NAV3: variants seen among roughly 807,000 people sequenced by gnomAD.
NAV3 encodes neuron navigator 3, also known as pore membrane and/or filament interacting like protein 1.
A neutral mutation model predicts 244.7 loss-of-function variants in NAV3; 87 were observed. The ratio of observed to expected loss-of-function variants is 0.36; its 90% CI spans 0.30 to 0.42. The LOEUF is 0.42. NAV3 is among the 20% of genes least tolerant of loss of function. The probability of loss-of-function intolerance (pLI) is 1.00; values close to 1 mark genes in which losing one functional copy is unlikely to be tolerated. For synonymous variants in NAV3, 1,126 were observed against 1,042.2 expected, an observed-to-expected ratio of 1.08 and a Z score of -1.55; for missense variants, 2,663 against 2,893.3, an observed-to-expected ratio of 0.92 and a Z score of 1.83.
At chr12:78,116,660 A>G in intron 12 of NAV3, 112 bp from the exon 13 acceptor site, 1 of 1,189,046 alleles carries the variant, frequency 8.4e-7, no homozygotes, top group East Asian at 2.8e-5. Flanking sequence ...TTCATAAGAT[A>G]TTTTTTAAAA....
At chr12:77,654,611 CCAGCACGCAG>C (rs1872994422) in intron 2 of NAV3, among the ~76,000 whole-genome samples, 7 of 152,056 alleles carry the variant, frequency 4.6e-5, no homozygotes, top group Admixed American at 4.6e-4. Flanking sequence ...AGTGGTTCTC[CCAGCACGCAG>C]CTGGAGATCT....
At chr12:78,093,028 C>G (rs1185178553) in intron 12 of NAV3, among the ~76,000 whole-genome samples, 2 of 152,140 alleles carry the variant, frequency 1.3e-5, no homozygotes, top group African/African-American at 4.8e-5. Flanking sequence ...TTCATTTGGT[C>G]AAATCCTGGT....
chr12:77,944,658 C>A (rs939858607), intron 3 of NAV3, among the ~76,000 whole-genome samples: 1 of 151,942 alleles, frequency 6.6e-6, no homozygotes, highest in African/African-American at 2.4e-5. Flanking sequence ...AAACCATGGA[C>A]AAGAATGGAA....
At chr12:77,742,727 T>G (rs896750668) in intron 2 of NAV3, among the ~76,000 whole-genome samples, 1 of 152,086 alleles carries the variant, frequency 6.6e-6, no homozygotes, top group Admixed American at 6.6e-5. Flanking sequence ...TAAAACTGCA[T>G]AAAATTAACT....
intron 1 of NAV3, among the ~76,000 whole-genome samples, chr12:77,901,874 G>A (rs914399780): frequency 5.3e-5 from 8 of 152,104 alleles, no homozygotes; most frequent in African/African-American, 1.9e-4. Context: ...GCTTGGATAT[G>A]CAGCTCTGAG....
At chr12:78,176,880 C>T (rs1958250961) in intron 26 of NAV3, among the ~76,000 whole-genome samples, 1 of 152,050 alleles carries the variant, frequency 6.6e-6, no homozygotes, top group Admixed American at 6.6e-5. Flanking sequence ...TAAATGAGTG[C>T]TCTGACAGCC....
intron 2 of NAV3, among the ~76,000 whole-genome samples, chr12:77,720,270 T>C (rs1876553156): frequency 6.6e-6 from 1 of 152,110 alleles, no homozygotes; most frequent in Non-Finnish European, 1.5e-5. Context: ...TCTATTACGA[T>C]CTACACATTT....
At chr12:77,893,589 A>T (rs894614394) in intron 1 of NAV3, among the ~76,000 whole-genome samples, 2 of 137,100 alleles carry the variant, frequency 1.5e-5, no homozygotes, top group Non-Finnish European at 3.1e-5. Flanking sequence ...TAGCCAAACT[A>T]AAAAAAAAAA....
intron 2 of NAV3, among the ~76,000 whole-genome samples, chr12:77,725,877 G>T (rs1050192611): frequency 2.5e-4 from 38 of 151,906 alleles, no homozygotes; most frequent in Admixed American, 1.8e-3. Context: ...CCTAAAGGCT[G>T]CCCTGTCTCT....
intron 2 of NAV3, among the ~76,000 whole-genome samples, chr12:77,589,610 A>G (rs1869811569): frequency 6.6e-6 from 1 of 152,182 alleles, no homozygotes; most frequent in Non-Finnish European, 1.5e-5. Flanking sequence ...TTATAAAACC[A>G]TCAGATCTCA....
rs370426193 is a variant in NAV3, at chr12:77,593,395, C to T, written c.72+21129C>T. On this transcript the variant is annotated intron_variant, in intron 2 of 8. Coordinates refer to the NAV3 transcript ENST00000550042. ...CTCCCCTTGTTCTCTCCCTGTCTTT[C>T]TCTCTTCCAAACAGCCAAAGTGGTG... Among the ~76,000 whole-genome samples, 103 of 151,718 alleles carry T rather than the reference C, an allele frequency of 6.8e-4. 1 individual carries two copies. The South Asian group carries it at 0.021, about 30-fold the overall frequency.
At chr12:78,074,986 G>A (rs952837300) in intron 12 of NAV3, among the ~76,000 whole-genome samples, 1 of 152,146 alleles carries the variant, frequency 6.6e-6, no homozygotes, top group Non-Finnish European at 1.5e-5. Context: ...ATCTGGATGG[G>A]ACACACTGCA....
chr12:78,089,619 G>A (rs1020502478), intron 12 of NAV3, among the ~76,000 whole-genome samples: 1 of 151,996 alleles, frequency 6.6e-6, no homozygotes, highest in African/African-American at 2.4e-5. Context: ...TGTTTATTCA[G>A]TTTGAATGTA....
chr12:77,673,300 A>G (rs929199600), intron 2 of NAV3, among the ~76,000 whole-genome samples: 1 of 152,154 alleles, frequency 6.6e-6, no homozygotes, highest in Non-Finnish European at 1.5e-5. Context: ...CAAGAGATTC[A>G]TACTCAGCGT....
At chr12:77,685,233 TA>T (rs1320722382) in intron 2 of NAV3, among the ~76,000 whole-genome samples, 2 of 152,222 alleles carry the variant, frequency 1.3e-5, no homozygotes, top group East Asian at 1.9e-4. Flanking sequence ...ATAAATCTTT[TA>T]ACCAGGCTTC....
intron 2 of NAV3, among the ~76,000 whole-genome samples, chr12:77,618,683 T>C (rs566656837): frequency 1.3e-5 from 2 of 152,280 alleles, no homozygotes; most frequent in East Asian, 1.9e-4. Flanking sequence ...TTAATAAAAA[T>C]GGTAGTAATC....
chr12:77,756,367 A>C (rs893955450), intron 2 of NAV3, among the ~76,000 whole-genome samples: 1 of 151,946 alleles, frequency 6.6e-6, no homozygotes, highest in Non-Finnish European at 1.5e-5. Flanking sequence ...TTTTTTCCAA[A>C]TTTTAATTCC....
intron 2 of NAV3, among the ~76,000 whole-genome samples, chr12:77,758,856 GAA>G (rs1355941081): frequency 6.6e-6 from 1 of 152,194 alleles, no homozygotes; most frequent in East Asian, 1.9e-4. Flanking sequence ...TGCAACATTT[GAA>G]AAGTTTGAGA....
chr12:77,835,229 C>T (rs962947709), intron 1 of NAV3, among the ~76,000 whole-genome samples: 2 of 152,270 alleles, frequency 1.3e-5, no homozygotes, highest in Middle Eastern at 3.4e-3. Context: ...CGTTATAGTT[C>T]CAAGGCCTTA....
Sources: gnomAD v4.1 joint callset for allele counts (sites outside exome capture counted in the v4.1 genomes callset) on GRCh38, gnomAD v4.1.1 for gene constraint, MANE v1.5 for transcripts, NCBI Gene and HGNC (gene_info 2026-07-23, HGNC 2026-07-21) for gene names.